ARNT2: variants seen among roughly 807,000 people sequenced by gnomAD.
ARNT2 encodes ARNT protein 2.
In ARNT2, 36 loss-of-function variants were observed where a neutral mutation model predicts 91.7. The observed-to-expected ratio is 0.39, with a 90% CI of 0.30 to 0.52. ARNT2 has a LOEUF of 0.52. ARNT2 is among the 20% of genes least tolerant of loss of function. The pLI, the probability that ARNT2 is intolerant of heterozygous loss-of-function variation, is 0.72. For missense variants in ARNT2, 775 were observed against 939.3 expected (o/e 0.83, Z 2.29); for synonymous variants, 365 against 347.1 (o/e 1.05, Z -0.57).
At chr15:80,567,272 G>A (rs912833094) in intron 12 of ARNT2, among the ~76,000 whole-genome samples, 1 of 150,400 alleles carries the variant, frequency 6.6e-6, no homozygotes, top group Non-Finnish European at 1.5e-5. Flanking sequence ...GAGAGGAGGA[G>A]GAAAACACCA....
chr15:80,539,000 T>C (rs990267032), intron 8 of ARNT2, among the ~76,000 whole-genome samples: 15 of 151,976 alleles, frequency 9.9e-5, no homozygotes, highest in African/African-American at 3.1e-4. Context: ...GTAACCAAAT[T>C]TGAATCAAAA....
intron 5 of ARNT2, among the ~76,000 whole-genome samples, chr15:80,506,223 A>T (rs1897274532): frequency 6.6e-6 from 1 of 152,182 alleles, no homozygotes; most frequent in Admixed American, 6.5e-5. Flanking sequence ...GGCGTGAGCC[A>T]CCGCGCCCGG....
At chr15:80,499,258 C>T (rs1897159952) in intron 5 of ARNT2, among the ~76,000 whole-genome samples, 1 of 152,210 alleles carries the variant, frequency 6.6e-6, no homozygotes, top group African/African-American at 2.4e-5. Context: ...GGCCCTTCTC[C>T]CCGCTGCATC....
At chr15:80,419,270 G>GA (rs1895829252) in intron 1 of ARNT2, among the ~76,000 whole-genome samples, 1 of 152,182 alleles carries the variant, frequency 6.6e-6, no homozygotes, top group Non-Finnish European at 1.5e-5. Flanking sequence ...AGTGATGCTG[G>GA]TACTGCTGGC....
intron 5 of ARNT2, among the ~76,000 whole-genome samples, chr15:80,505,056 G>T (rs1020572803): frequency 6.0e-4 from 92 of 152,168 alleles, no homozygotes; most frequent in African/African-American, 2.1e-3. Flanking sequence ...GGAGTGTGAC[G>T]CGATCATTTG....
intron 17 of ARNT2, among the ~76,000 whole-genome samples, chr15:80,587,773 A>G (rs1893200368): frequency 6.6e-6 from 1 of 152,220 alleles, no homozygotes. Context: ...AAGGATGTAC[A>G]TGACAGAAAG....
At chr15:80,581,126 AGTCACT>A in intron 16 of ARNT2, 107 bp from the exon 17 acceptor site, 1 of 1,261,078 alleles carries the variant, frequency 7.9e-7, no homozygotes. Context: ...GGTCATGGGG[AGTCACT>A]GTCAACCCAG....
intron 3 of ARNT2, among the ~76,000 whole-genome samples, chr15:80,466,790 A>G (rs1464304888): frequency 6.6e-6 from 1 of 152,252 alleles, no homozygotes; most frequent in Admixed American, 6.5e-5. Context: ...ACTCAGTATT[A>G]TTTCATAAAA....
chr15:80,466,137 G>A (rs542957475), intron 3 of ARNT2, among the ~76,000 whole-genome samples: 3 of 152,300 alleles, frequency 2.0e-5, no homozygotes, highest in South Asian at 4.1e-4. Flanking sequence ...GAGACTCAAC[G>A]GCTGTCAGCA....
chr15:80,588,980 C>G (rs1893226553), intron 17 of ARNT2, among the ~76,000 whole-genome samples: 1 of 152,110 alleles, frequency 6.6e-6, no homozygotes, highest in African/African-American at 2.4e-5. Context: ...AGCAGGAGCT[C>G]AGGAAATATT....
At chr15:80,406,638 A>C (rs906223256) in intron 1 of ARNT2, among the ~76,000 whole-genome samples, 2 of 152,178 alleles carry the variant, frequency 1.3e-5, no homozygotes, top group African/African-American at 4.8e-5. Context: ...GGTGTGAAGC[A>C]CAGGAAAGCC....
rs1231508115 is a variant in ARNT2, at chr15:80,404,530, G to T, written c.15G>T (p.Ala5=). ...CTCCGAGCAAGATGGCAACCCCGGC[G>T]GCGGTCAACCCTCCGGGTGAGTAGC... MATP[A]AVNPPEMASD... is the part of the protein sequence containing the mutation. The change falls in exon 1 of 19, where the codon GCG becomes GCT. Residue 5 remains alanine, a synonymous_variant. Coordinates refer to ENST00000303329, the MANE Select transcript of ARNT2 (RefSeq NM_014862.4). The surrounding 1 kb of genome is among the most constrained non-coding windows in gnomAD (Gnocchi z 5.5). The T allele has an allele frequency of 1.6e-6, 2 of 1,218,650 alleles. No homozygotes were observed. Among genetic ancestry groups the T allele is most frequent in the Non-Finnish European group, 1.0e-6 (1 of 960,422 alleles). The allele number at this position is 1,218,650 out of a possible 1,614,324, so 75.5% of individuals were successfully genotyped here.
At chr15:80,587,788 C>G (rs948308119) in intron 17 of ARNT2, among the ~76,000 whole-genome samples, 1 of 152,160 alleles carries the variant, frequency 6.6e-6, no homozygotes, top group Non-Finnish European at 1.5e-5. Context: ...AGAAAGAACA[C>G]ATGTGCAGTA....
chr15:80,442,714 T>C (rs2141579132), intron 1 of ARNT2: 1 of 374,196 alleles, frequency 2.7e-6, no homozygotes, highest in Non-Finnish European at 3.7e-6. Context: ...TGTGAGCACT[T>C]GTACCTCTAC....
intron 12 of ARNT2, among the ~76,000 whole-genome samples, chr15:80,570,499 T>C (rs4778824): frequency 2.0e-5 from 3 of 152,162 alleles, no homozygotes; most frequent in Non-Finnish European, 2.9e-5. Context: ...GTAATGCTTT[T>C]TTTTTCTATT....
chr15:80,444,001 A>T (rs148472029), intron 1 of ARNT2, among the ~76,000 whole-genome samples: 455 of 152,312 alleles, frequency 3.0e-3, no homozygotes, highest in Non-Finnish European at 4.3e-3. Context: ...GATGTGTGTT[A>T]TAGAATGTGT....
chr15:80,558,408 C>T (rs931019115), intron 11 of ARNT2, among the ~76,000 whole-genome samples: 17 of 148,228 alleles, frequency 1.1e-4, no homozygotes, highest in African/African-American at 4.2e-4. Context: ...GGCACAATCT[C>T]GGCTCACTGC....
At chr15:80,517,815 A>G (rs571025311) in intron 8 of ARNT2, among the ~76,000 whole-genome samples, 27 of 151,900 alleles carry the variant, frequency 1.8e-4, no homozygotes, top group African/African-American at 6.0e-4. Flanking sequence ...CATTTCCATC[A>G]CAGTGTTTTT....
intron 3 of ARNT2, 31 bp from the exon 4 acceptor site, chr15:80,470,187 C>T: frequency 6.9e-7 from 1 of 1,449,204 alleles, no homozygotes; most frequent in Non-Finnish European, 9.1e-7. Context: ...CTCTTTTTTC[C>T]CCCTCTCCTG....
Sources: gnomAD v4.1 joint callset for allele counts (sites outside exome capture counted in the v4.1 genomes callset) on GRCh38, gnomAD v4.1.1 for gene constraint, Gnocchi (gnomAD v3.1) non-coding constraint, MANE v1.5 for transcripts, NCBI Gene and HGNC (gene_info 2026-07-23, HGNC 2026-07-21) for gene names.